The following WHRN variants were observed in gnomAD, a reference collection of about 807,000 sequenced individuals.
The protein encoded by WHRN is CASK-interacting protein CIP98.
A neutral mutation model predicts 68.3 loss-of-function variants in WHRN; 41 were observed. That is an observed-to-expected ratio of 0.60 (90% CI 0.47 to 0.78). The LOEUF is 0.78. Among genes scored for constraint, WHRN ranks in the 30% least tolerant of loss-of-function variants. The probability of loss-of-function intolerance (pLI) is 0.00; values close to 1 mark genes in which losing one functional copy is unlikely to be tolerated. For missense variants in WHRN, 1,243 were observed against 1,244.7 expected, an observed-to-expected ratio of 1.00 and a Z score of 0.02; for synonymous variants, 560 against 561.3, an observed-to-expected ratio of 1.00 and a Z score of 0.03.
At chr9:114,424,759 T>G (rs967700392) in intron 5 of WHRN, among the ~76,000 whole-genome samples, 1 of 152,222 alleles carries the variant, frequency 6.6e-6, no homozygotes, top group Non-Finnish European at 1.5e-5. Flanking sequence ...AAAACCCGCA[T>G]GAGGGCAGGG....
intron 9 of WHRN, 139 bp from the exon 10 acceptor site, chr9:114,404,216 G>A (rs1425291540): frequency 1.2e-5 from 12 of 972,410 alleles, no homozygotes; most frequent in African/African-American, 3.2e-5. Flanking sequence ...TGAAGAGATC[G>A]TGGGGCCAGA....
chr9:114,440,653 T>A (rs1162481714), intron 3 of WHRN, among the ~76,000 whole-genome samples: 1 of 152,228 alleles, frequency 6.6e-6, no homozygotes, highest in African/African-American at 2.4e-5. Flanking sequence ...TATTAAATCA[T>A]AACTGCATAA....
chr9:114,486,369 G>T (rs1420030929), intron 1 of WHRN, among the ~76,000 whole-genome samples: 3 of 152,162 alleles, frequency 2.0e-5, no homozygotes, highest in Non-Finnish European at 4.4e-5. Context: ...TGATTGTGCT[G>T]CCGTCTATAC....
chr9:114,488,561 TA>T (rs1256483794), intron 1 of WHRN, among the ~76,000 whole-genome samples: 2 of 152,046 alleles, frequency 1.3e-5, no homozygotes, highest in Non-Finnish European at 2.9e-5. Context: ...GGAGGGTTTT[TA>T]AAAAGGACAT....
At chr9:114,463,812 C>T (rs1458197381) in intron 3 of WHRN, among the ~76,000 whole-genome samples, 1 of 152,234 alleles carries the variant, frequency 6.6e-6, no homozygotes, top group Non-Finnish European at 1.5e-5. Context: ...CAACACATTT[C>T]AGAATCAACT....
intron 4 of WHRN, 186 bp downstream of exon 4, chr9:114,426,025 A>G: frequency 1.4e-6 from 1 of 712,342 alleles, no homozygotes; most frequent in East Asian, 2.7e-5. Flanking sequence ...TCAGCTTTCC[A>G]TGGGGAAACT....
At chr9:114,471,276 C>G (rs1388355558) in intron 2 of WHRN, among the ~76,000 whole-genome samples, 1 of 152,236 alleles carries the variant, frequency 6.6e-6, no homozygotes, top group Non-Finnish European at 1.5e-5. Flanking sequence ...GCACCGTACT[C>G]AGCCCTTTAT....
chr9:114,409,824 A>AC (rs1267562888), intron 7 of WHRN, among the ~76,000 whole-genome samples: 1 of 150,802 alleles, frequency 6.6e-6, no homozygotes, highest in Non-Finnish European at 1.5e-5. Context: ...CCTTCCCCTC[A>AC]CCCCACTCCA....
chr9:114,498,180 C>G (rs535127176), intron 1 of WHRN, among the ~76,000 whole-genome samples: 1 of 152,276 alleles, frequency 6.6e-6, no homozygotes, highest in African/African-American at 2.4e-5. Flanking sequence ...GTGCCGGGAG[C>G]TGGGGATGCG....
chr9:114,477,978 A>G (rs1238477695), intron 2 of WHRN, among the ~76,000 whole-genome samples: 1 of 152,152 alleles, frequency 6.6e-6, no homozygotes, highest in Non-Finnish European at 1.5e-5. Flanking sequence ...GATGTGGCCC[A>G]GCTTCAACCA....
chr9:114,503,127 G>A (rs1345614150), intron 1 of WHRN: 10 of 985,290 alleles, frequency 1.0e-5, no homozygotes, highest in African/African-American at 3.5e-5. Context: ...GCCACTGAAC[G>A]GCACTCAGGA....
chr9:114,462,231 G>A (rs1357609175), intron 3 of WHRN, among the ~76,000 whole-genome samples: 2 of 152,176 alleles, frequency 1.3e-5, no homozygotes, highest in Non-Finnish European at 2.9e-5. Context: ...CAGTCCCACA[G>A]AGCAGGGTGT....
At chr9:114,456,826 C>CAA (rs58142457) in intron 3 of WHRN, among the ~76,000 whole-genome samples, 60 of 141,286 alleles carry the variant, frequency 4.2e-4, no homozygotes, top group South Asian at 4.6e-4. Flanking sequence ...AAGACTATCT[C>CAA]AAAAAAAAAA....
chr9:114,409,654 AC>A (rs1434455119), intron 7 of WHRN, among the ~76,000 whole-genome samples: 13 of 151,680 alleles, frequency 8.6e-5, no homozygotes, highest in African/African-American at 3.2e-4. Context: ...AGGCTGGAAC[AC>A]CACGGATGTG....
chr9:114,428,050 A>G (rs4979388), intron 3 of WHRN, among the ~76,000 whole-genome samples: 47,711 of 152,160 alleles, frequency 0.31, 7,530 homozygotes, highest in East Asian at 0.39. Flanking sequence ...AGATGAGGCC[A>G]GGCATCGTGG....
At chr9:114,409,587 A>C (rs1408314277) in intron 7 of WHRN, among the ~76,000 whole-genome samples, 1 of 152,106 alleles carries the variant, frequency 6.6e-6, no homozygotes, top group East Asian at 1.9e-4. Context: ...GTTGCCATGG[A>C]GATGTGGTCA....
At chr9:114,500,151 G>A (rs963730253) in intron 1 of WHRN, among the ~76,000 whole-genome samples, 1 of 152,166 alleles carries the variant, frequency 6.6e-6, no homozygotes, top group African/African-American at 2.4e-5. Flanking sequence ...ATATGCAGCA[G>A]CCACAAATCT....
At chr9:114,450,655 A>G (rs1370036333) in intron 3 of WHRN, among the ~76,000 whole-genome samples, 1 of 152,168 alleles carries the variant, frequency 6.6e-6, no homozygotes, top group Admixed American at 6.5e-5. Context: ...CATCTTCACC[A>G]TGTCCCAAGA....
At chr9:114,479,459 C>T (rs541007876) in intron 1 of WHRN, among the ~76,000 whole-genome samples, 2 of 152,284 alleles carry the variant, frequency 1.3e-5, no homozygotes, top group East Asian at 1.9e-4. Context: ...ATGTAATAAA[C>T]CCTAGCCACA....
Sources: allele counts gnomAD v4.1 joint callset (sites outside exome capture counted in the v4.1 genomes callset), GRCh38; gene constraint gnomAD v4.1.1; transcripts MANE v1.5; gene names NCBI Gene and HGNC (gene_info 2026-07-23, HGNC 2026-07-21).